The following TAFA1 variants were observed in gnomAD, a reference collection of about 807,000 sequenced individuals.
The protein encoded by TAFA1 is TAFA chemokine like family member 1, also known as chemokine-like protein TAFA-1.
TAFA1 carries 4 observed loss-of-function variants against 18.5 expected under a neutral mutation model. That is an observed-to-expected ratio of 0.22 (90% confidence interval 0.11 to 0.49). The LOEUF (loss-of-function observed/expected upper bound fraction) is 0.49. Ranked by LOEUF, TAFA1 falls within the 20% of genes least tolerant of loss-of-function variation. The pLI is 0.98. For missense variants in TAFA1, 147 were observed against 169.0 expected (o/e 0.87, Z 0.72); for synonymous variants, 56 against 55.2 (o/e 1.01, Z -0.06).
At chr3:68,132,611 T>A (rs771617360) in intron 2 of TAFA1, among the ~76,000 whole-genome samples, 7 of 152,234 alleles carry the variant, frequency 4.6e-5, no homozygotes, top group Non-Finnish European at 8.8e-5. Flanking sequence ...TTGATTTACA[T>A]TTCTCTTATG....
At chr3:68,135,732 G>A (rs2106891196) in intron 2 of TAFA1, among the ~76,000 whole-genome samples, 1 of 152,288 alleles carries the variant, frequency 6.6e-6, no homozygotes, top group East Asian at 1.9e-4. Flanking sequence ...TTTCCGAATA[G>A]CAGTTTATTT....
At chr3:68,002,869 A>T (rs534206767), upstream of TAFA1, among the ~76,000 whole-genome samples, 1 of 152,298 alleles carries the variant, frequency 6.6e-6, no homozygotes, top group South Asian at 2.1e-4. Context: ...TGGGGTTGGT[A>T]AAAAGAATTA....
chr3:68,070,619 C>T (rs1469233492), intron 2 of TAFA1, among the ~76,000 whole-genome samples: 1 of 152,250 alleles, frequency 6.6e-6, no homozygotes, highest in Non-Finnish European at 1.5e-5. Flanking sequence ...ATTTTCTTTT[C>T]TATTGCATTG....
intron 2 of TAFA1, among the ~76,000 whole-genome samples, chr3:68,388,209 G>A (rs1380678222): frequency 6.6e-6 from 1 of 152,096 alleles, no homozygotes; most frequent in East Asian, 1.9e-4. Flanking sequence ...AGTTTTAGGG[G>A]ACATGGCATT....
intron 2 of TAFA1, among the ~76,000 whole-genome samples, chr3:68,043,730 T>C (rs1302520262): frequency 6.6e-6 from 1 of 152,224 alleles, no homozygotes; most frequent in Non-Finnish European, 1.5e-5. Flanking sequence ...TCTTGGATGT[T>C]GCTTGCCAGA....
rs908812306 is a variant in TAFA1, at chr3:68,277,355, T to G, written c.119-139925T>G. On this transcript the variant is annotated intron_variant, in intron 2 of 4. Coordinates refer to ENST00000478136, the MANE Select transcript of TAFA1 (RefSeq NM_213609.4). Reference sequence around the variant, plus strand: ...CAGGGCTGATGCTCTGAATTTATACTTCTATCGATTACTCAGGATCCTTCT... The same window carrying G: ...CAGGGCTGATGCTCTGAATTTATACGTCTATCGATTACTCAGGATCCTTCT... Among the ~76,000 whole-genome samples, 3 of 152,170 alleles carry G rather than the reference T, an allele frequency of 2.0e-5. No individual in the cohort carries two copies. The East Asian group carries it at 5.8e-4, about 29-fold the overall frequency.
chr3:68,481,370 T>C (rs1025626333), intron 3 of TAFA1, among the ~76,000 whole-genome samples: 2 of 152,152 alleles, frequency 1.3e-5, no homozygotes, highest in Non-Finnish European at 2.9e-5. Flanking sequence ...GTCTGAAGAG[T>C]ATTACCACAA....
At chr3:68,456,828 C>G (rs1276158755) in intron 3 of TAFA1, among the ~76,000 whole-genome samples, 1 of 152,276 alleles carries the variant, frequency 6.6e-6, no homozygotes, top group East Asian at 1.9e-4. Flanking sequence ...TTCATTTTAT[C>G]TTGAAATGAT....
intron 2 of TAFA1, among the ~76,000 whole-genome samples, chr3:68,377,857 G>T (rs2106656814): frequency 6.6e-6 from 1 of 152,302 alleles, no homozygotes; most frequent in South Asian, 2.1e-4. Flanking sequence ...ATGGCTAAAA[G>T]GAGCCAAGGT....
At chr3:68,066,941 T>A (rs2064685968) in intron 2 of TAFA1, among the ~76,000 whole-genome samples, 1 of 151,920 alleles carries the variant, frequency 6.6e-6, no homozygotes, top group Admixed American at 6.6e-5. Context: ...GGCACAGGGG[T>A]TTTTAGGGGC....
intron 2 of TAFA1, among the ~76,000 whole-genome samples, chr3:68,099,386 A>T (rs562876143): frequency 6.6e-6 from 1 of 152,350 alleles, no homozygotes; most frequent in South Asian, 2.1e-4. Flanking sequence ...CAAATTGTCA[A>T]CAAATATATG....
intron 2 of TAFA1, among the ~76,000 whole-genome samples, chr3:68,127,803 A>AGTG (rs962627844): frequency 9.4e-6 from 1 of 106,698 alleles, no homozygotes. Flanking sequence ...TGCTGATGGC[A>AGTG]GTGGTGGTGG....
At chr3:68,443,814 C>T (rs553702417) in intron 3 of TAFA1, among the ~76,000 whole-genome samples, 1 of 152,164 alleles carries the variant, frequency 6.6e-6, no homozygotes, top group African/African-American at 2.4e-5. Context: ...AATGAGATTC[C>T]TCCTCATATT....
intron 2 of TAFA1, among the ~76,000 whole-genome samples, chr3:68,338,909 T>G (rs2069025441): frequency 6.6e-6 from 1 of 152,172 alleles, no homozygotes. Context: ...TGGATTCAAG[T>G]ACAGGCCAAG....
intron 2 of TAFA1, among the ~76,000 whole-genome samples, chr3:68,261,970 TA>T (rs368791090): frequency 2.5e-4 from 36 of 145,552 alleles, no homozygotes; most frequent in Admixed American, 1.3e-3. Context: ...TAATTTGAAA[TA>T]AAAAAAAAAG....
chr3:68,052,231 C>T (rs2064479800), intron 2 of TAFA1, among the ~76,000 whole-genome samples: 1 of 152,218 alleles, frequency 6.6e-6, no homozygotes, highest in Middle Eastern at 3.4e-3. Context: ...CTCTTATTTT[C>T]TAAGTATTGA....
intron 2 of TAFA1, among the ~76,000 whole-genome samples, chr3:68,214,237 T>C (rs535613982): frequency 2.2e-4 from 33 of 152,238 alleles, no homozygotes; most frequent in Admixed American, 1.1e-3. Context: ...TTTCTAGTTA[T>C]CATAGAATTC....
chr3:68,478,552 A>C (rs969279117), intron 3 of TAFA1, among the ~76,000 whole-genome samples: 1 of 152,216 alleles, frequency 6.6e-6, no homozygotes, highest in East Asian at 1.9e-4. Context: ...TACATGCTGG[A>C]ATCATTTCTG....
chr3:68,345,569 G>A (rs917360118), intron 2 of TAFA1, among the ~76,000 whole-genome samples: 1 of 152,204 alleles, frequency 6.6e-6, no homozygotes, highest in Non-Finnish European at 1.5e-5. Flanking sequence ...GATATGAACA[G>A]TAGAGTGACA....
Sources: allele counts gnomAD v4.1 joint callset (sites outside exome capture counted in the v4.1 genomes callset), GRCh38; gene constraint gnomAD v4.1.1; transcripts MANE v1.5; gene names NCBI Gene and HGNC (gene_info 2026-07-23, HGNC 2026-07-21).